PCDHGA4: variants seen among roughly 807,000 people sequenced by gnomAD.
PCDHGA4 encodes the protein protocadherin gamma-A4.
Under a neutral mutation model 54.6 loss-of-function variants are expected in PCDHGA4, and 38 were observed. The ratio of observed to expected loss-of-function variants is 0.70; its 90% CI spans 0.54 to 0.91. The LOEUF (loss-of-function observed/expected upper bound fraction) is 0.91, where lower values mean the gene tolerates loss of function less well. Among genes scored for constraint, PCDHGA4 ranks in the 40% least tolerant of loss-of-function variants. PCDHGA4 has a pLI of 0.00. For missense variants in PCDHGA4, 1,298 were observed against 1,220.9 expected (o/e 1.06, Z -0.94); for synonymous variants, 511 against 512.9 (o/e 1.00, Z 0.05).
At chr5:141,404,484 C>G in intron 1 of PCDHGA4, 1 of 1,613,504 alleles carries the variant, frequency 6.2e-7, no homozygotes, top group East Asian at 2.2e-5. Context: ...AACTCAGACA[C>G]TGGTGTGCTG....
Position 141,487,272 on chromosome 5 carries a change from T to C in PCDHGA4, c.2515-7535T>C. 6.2e-7 allele frequency: 1 copy of C among 1,614,148 alleles called. No homozygotes were observed. The highest frequency in any genetic ancestry group is 8.5e-7 in the Non-Finnish European group (1 of 1,180,036). Reference sequence around the variant, plus strand: ...TACTTGGCTGTGTCCCTAGTGGCAATTTGCTTTGTCTCCTTTGGCTCATTC... The same window carrying C: ...TACTTGGCTGTGTCCCTAGTGGCAACTTGCTTTGTCTCCTTTGGCTCATTC... On this transcript the variant is annotated intron_variant, in intron 1 of 3. Coordinates refer to ENST00000571252, the MANE Select transcript of PCDHGA4 (RefSeq NM_018917.4). This position sits in a 1 kb window ranked among gnomAD's most constrained non-coding sequence, Gnocchi z 5.0.
In PCDHGA4 at chr5:141,382,905, G is replaced by C. The variant is rs773530372; in HGVS notation, c.2514+25284G>C. On this transcript the variant is annotated intron_variant, in intron 1 of 3. Transcript: ENST00000571252. Reference sequence around the variant, plus strand: ...GCAAGAGAAGCAGGACGACTATGGCGGCTCAGCCGAGGGGCGGGGACTACA... The same window carrying C: ...GCAAGAGAAGCAGGACGACTATGGCCGCTCAGCCGAGGGGCGGGGACTACA... 3.8e-5 allele frequency: 59 copies of C among 1,544,508 alleles called. No individual in the cohort carries two copies. The South Asian group carries it at 5.7e-4, about 15-fold the overall frequency.
chr5:141,488,985 C>G lies in PCDHGA4; in HGVS notation c.2515-5822C>G, dbSNP rs574857958. On this transcript the variant is annotated intron_variant, in intron 1 of 3. Transcript: ENST00000571252. ...ACTTTTTGGCCAATCAGACTCAGAG[C>G]TGAGGTGGGAGATCTGCTCTTCCAG... The G allele has an allele frequency of 7.4e-6, 3 of 405,188 alleles. No homozygotes were observed. In the South Asian group the frequency reaches 2.4e-4, roughly 32 times the overall value. The allele number at this position is 405,188 out of a possible 1,614,324, so 25.1% of individuals were successfully genotyped here.
At chr5:141,421,823 G>A in intron 1 of PCDHGA4, 1 of 1,613,802 alleles carries the variant, frequency 6.2e-7, no homozygotes. Flanking sequence ...GTACTGGAGG[G>A]AAGCCTGGAC....
chr5:141,399,894 C>G lies in PCDHGA4; in HGVS notation c.2514+42273C>G, dbSNP rs201911174. ...GCTACCTGGTGACCAAGGTAGTGGC[C>G]GTGGACGCAGACTCAGGACACAACG... On this transcript the variant is annotated intron_variant, in intron 1 of 3. Transcript: ENST00000571252. 9.2e-4 allele frequency: 1,477 copies of G among 1,612,556 alleles called. 21 individuals carry two copies. In the South Asian group the frequency reaches 0.015, roughly 17 times the overall value.
chr5:141,418,699 C>A, intron 1 of PCDHGA4: 1 of 1,614,014 alleles, frequency 6.2e-7, no homozygotes, highest in Non-Finnish European at 8.5e-7. Context: ...TCACTTATTC[C>A]TTCTTTGGTG....
chr5:141,389,590 G>C (rs1409328445), intron 1 of PCDHGA4: 1 of 1,613,014 alleles, frequency 6.2e-7, no homozygotes, highest in Non-Finnish European at 8.5e-7. Context: ...GGTCCCGACG[G>C]CTCTGCGCTC....
Position 141,355,398 on chromosome 5 carries a change from C to A in PCDHGA4, c.291C>A (p.Ile97=), listed in dbSNP as rs768527060. 4.3e-6 allele frequency: 7 copies of A among 1,613,956 alleles called. No individual in the cohort carries two copies. In the East Asian group the frequency reaches 8.9e-5, roughly 21 times the overall value. ...PRELAERGVR[I]VSRGRTQLFA... ...AGCTGGCGGAGCGCGGAGTCCGCAT[C>A]GTCTCCAGAGGTAGGACGCAGCTTT... The change falls in exon 1 of 4, where the codon ATC becomes ATA. Residue 97 remains isoleucine (I), a synonymous_variant. Transcript: ENST00000571252.
intron 1 of PCDHGA4, chr5:141,405,379 G>T: frequency 1.2e-6 from 2 of 1,606,832 alleles, no homozygotes; most frequent in Non-Finnish European, 1.7e-6. Flanking sequence ...TGGTTCCGGT[G>T]AGTTCATTTT....
At chr5:141,478,735 G>T in intron 1 of PCDHGA4, 1 of 1,535,968 alleles carries the variant, frequency 6.5e-7, no homozygotes, top group Non-Finnish European at 8.8e-7. Flanking sequence ...AGTGTGGTTT[G>T]TGGTCCCATT....
chr5:141,361,604 C>G, intron 1 of PCDHGA4: 1 of 1,614,040 alleles, frequency 6.2e-7, no homozygotes, highest in Non-Finnish European at 8.5e-7. Context: ...GTTTCCTACT[C>G]CATCGTAGCG....
rs1363008017 is a variant in PCDHGA4, at chr5:141,413,215, T to A, written c.2514+55594T>A. ...GAATCGCTCAAAGGAATCAAAGGATTGCAGCGGGCTGGTCCTGCTCTGCCT... is the reference window on the plus strand; with the variant it reads ...GAATCGCTCAAAGGAATCAAAGGATAGCAGCGGGCTGGTCCTGCTCTGCCT... On this transcript the variant is annotated intron_variant, in intron 1 of 3. Coordinates refer to ENST00000571252, the MANE Select transcript of PCDHGA4 (RefSeq NM_018917.4). 6 of 1,613,232 alleles carry A rather than the reference T, an allele frequency of 3.7e-6. No individual in the cohort carries two copies. The African/African-American group carries it at 8.0e-5, about 22-fold the overall frequency.
chr5:141,373,865 C>T, intron 1 of PCDHGA4: 1 of 465,356 alleles, frequency 2.1e-6, no homozygotes, highest in Admixed American at 3.9e-5. Context: ...GTTGACCAAC[C>T]TGGGCAAGAA....
At chr5:141,456,593 G>C (rs917316601) in intron 1 of PCDHGA4, among the ~76,000 whole-genome samples, 2 of 152,168 alleles carry the variant, frequency 1.3e-5, no homozygotes, top group African/African-American at 4.8e-5. Flanking sequence ...CAATAATTTT[G>C]ATTTGATTTT....
chr5:141,371,971 G>T lies in PCDHGA4; in HGVS notation c.2514+14350G>T, dbSNP rs372239619. 1.2e-6 allele frequency: 2 copies of T among 1,612,320 alleles called. No individual in the cohort carries two copies. The highest frequency in any genetic ancestry group is 3.3e-5 in the Admixed American group (2 of 59,994). The stretch of plus-strand genomic sequence containing the variant: ...CGAGCCTTCGACCACGAGCAGCTGC[G>T]TGCCTTCGAGCTCACTCTGCAGGCC... On this transcript the variant is annotated intron_variant, in intron 1 of 3. Transcript: ENST00000571252.
chr5:141,476,666 G>C lies in PCDHGA4; in HGVS notation c.2515-18141G>C, dbSNP rs2099395856. On this transcript the variant is annotated intron_variant, in intron 1 of 3. Coordinates refer to ENST00000571252, the MANE Select transcript of PCDHGA4 (RefSeq NM_018917.4). This position sits in a 1 kb window ranked among gnomAD's most constrained non-coding sequence, Gnocchi z 7.6. The stretch of plus-strand genomic sequence containing the variant: ...CCGAAATGAATACTTTGCGCTTCGC[G>C]TGCAGACGCGGGAGGACAGCACCAA... 6.2e-7 allele frequency: 1 copy of C among 1,614,246 alleles called. No individual in the cohort carries two copies. The highest frequency in any genetic ancestry group is 8.5e-7 in the Non-Finnish European group (1 of 1,180,044).
Position 141,511,002 on chromosome 5 carries a change from C to A in PCDHGA4, c.2718C>A (p.Ser906Arg), listed in dbSNP as rs143630962. The change falls in exon 4 of 4, where the codon AGC becomes AGA. Residue 906 changes from serine to arginine, a missense_variant. Physicochemically the swap from Ser to Arg is moderately radical, Grantham distance 110. Transcript: ENST00000571252. Reference protein sequence around the residue: ...LGGGAGTMGLSARYGPQFTLQ... With the variant: ...LGGGAGTMGLRARYGPQFTLQ... ...GGGGTGCCGGCACCATGGGATTGAG[C>A]GCCCGCTACGGACCCCAGTTCACCC... The A allele has an allele frequency of 8.7e-6, 14 of 1,614,140 alleles. No homozygotes were observed. The highest frequency in any genetic ancestry group is 1.2e-5 in the Non-Finnish European group (14 of 1,180,018).
Position 141,487,291 on chromosome 5 carries a change from C to T in PCDHGA4, c.2515-7516C>T, listed in dbSNP as rs748961925. The stretch of plus-strand genomic sequence containing the variant: ...TGGCAATTTGCTTTGTCTCCTTTGG[C>T]TCATTCGTGGCACTACTCTCTAAGT... On this transcript the variant is annotated intron_variant, in intron 1 of 3. Transcript: ENST00000571252. This position sits in a 1 kb window ranked among gnomAD's most constrained non-coding sequence, Gnocchi z 5.0. The T allele has an allele frequency of 1.9e-5, 30 of 1,614,036 alleles. No homozygotes were observed. Among genetic ancestry groups the T allele is most frequent in the Non-Finnish European group, 2.5e-5 (30 of 1,180,020 alleles).
At chr5:141,394,268 C>A in intron 1 of PCDHGA4, 3 of 1,613,946 alleles carry the variant, frequency 1.9e-6, no homozygotes, top group Non-Finnish European at 2.5e-6. Flanking sequence ...AGGAGAATGC[C>A]CAGGTCACTT....
Sources: allele counts gnomAD v4.1 joint callset (sites outside exome capture counted in the v4.1 genomes callset), GRCh38; gene constraint gnomAD v4.1.1; non-coding constraint Gnocchi (gnomAD v3.1); transcripts MANE v1.5; gene names NCBI Gene and HGNC (gene_info 2026-07-23, HGNC 2026-07-21).